Variants in NEMP1 observed in about 807,000 individuals in gnomAD.
NEMP1 encodes the protein transmembrane protein 194.
A neutral mutation model predicts 53.7 loss-of-function variants in NEMP1; 29 were observed. The ratio of observed to expected loss-of-function variants is 0.54; its 90% CI spans 0.40 to 0.74. NEMP1 has a LOEUF of 0.74. NEMP1 is among the 30% of genes least tolerant of loss of function. The pLI is 0.00. For missense variants in NEMP1, 477 were observed against 528.6 expected (o/e 0.90, Z 0.96); for synonymous variants, 193 against 192.9 (o/e 1.00, Z 0.00).
Position 57,078,673 on chromosome 12 carries a change from C to A in NEMP1, c.73G>T (p.Gly25Cys), listed in dbSNP as rs375519830. The change falls in exon 1 of 9, where the codon GGT becomes TGT. Residue 25 changes from glycine to cysteine, a missense_variant. Transcript: ENST00000300128. ...ATCAAGAGTAGCCGCACTGTCCCAC[C>A]GCCCCCGACTCCCGAGCCCCAGGGC... is the stretch of plus-strand genomic sequence containing the variant. ...PGPWGSGVGG[G>C]GTVRLLLILS... 6.2e-7 allele frequency: 1 copy of A among 1,613,470 alleles called. No individual in the cohort carries two copies. The highest frequency in any genetic ancestry group is 1.7e-5 in the Admixed American group (1 of 59,950).
upstream of NEMP1, among the ~76,000 whole-genome samples, chr12:57,088,381 G>A (rs915147461): frequency 6.6e-6 from 1 of 152,188 alleles, no homozygotes. Context: ...GAGGAGGGGC[G>A]CGGGGATATC....
At chr12:57,074,863 G>A (rs567185455) in intron 1 of NEMP1, among the ~76,000 whole-genome samples, 36 of 152,146 alleles carry the variant, frequency 2.4e-4, no homozygotes, top group African/African-American at 8.2e-4. Flanking sequence ...CAAGGCAGAC[G>A]GATCACTTGA....
intron 1 of NEMP1, among the ~76,000 whole-genome samples, chr12:57,087,063 C>T (rs150538757): frequency 1.2e-3 from 178 of 152,288 alleles, no homozygotes; most frequent in Non-Finnish European, 2.2e-3. Context: ...AGTGGGCAGG[C>T]CCCTTCTGCG....
chr12:57,083,313 T>C (rs2032902168), upstream of NEMP1, among the ~76,000 whole-genome samples: 1 of 152,214 alleles, frequency 6.6e-6, no homozygotes. Context: ...GTGCTGTCAT[T>C]TCAAGATAGT....
intron 7 of NEMP1, 113 bp downstream of exon 7, chr12:57,063,006 C>A: frequency 2.6e-6 from 2 of 778,042 alleles, no homozygotes; most frequent in Non-Finnish European, 2.1e-6. Flanking sequence ...AAGTACAATA[C>A]AATGACTTTT....
Position 57,059,399 on chromosome 12 carries a change from C to T in NEMP1, c.*480G>A, listed in dbSNP as rs921799205. ...TATTTTCCTCCCAAAACAGTTAAAT[C>T]AATAATTATTCTAAAGTCACTGAAA... On this transcript the variant is annotated 3_prime_UTR_variant, in exon 9 of 9. Transcript: ENST00000300128. 1 of 152,416 alleles carries T rather than the reference C, an allele frequency of 6.6e-6. No individual in the cohort carries two copies. The highest frequency in any genetic ancestry group is 1.5e-5 in the Non-Finnish European group (1 of 68,224). The allele number at this position is 152,416 out of a possible 1,614,324, so 9.4% of individuals were successfully genotyped here. A position where few individuals can be genotyped will look rare whatever the true frequency, so the allele number is the denominator to read the frequency against.
chr12:57,073,815 CCTAT>C (rs557806346), intron 1 of NEMP1, among the ~76,000 whole-genome samples: 62 of 152,062 alleles, frequency 4.1e-4, no homozygotes, highest in Non-Finnish European at 7.6e-4. Context: ...TAGTAAATAG[CCTAT>C]CTGAGATTCA....
intron 1 of NEMP1, among the ~76,000 whole-genome samples, chr12:57,087,681 C>G (rs2033053009): frequency 5.3e-5 from 8 of 152,084 alleles, no homozygotes. Context: ...GGAAAGGTCT[C>G]CTCGCTAGGC....
chr12:57,063,196 A>G lies in NEMP1; in HGVS notation c.903T>C (p.Ile301=), dbSNP rs1406330690. ...GAGCAATGATGATAATGGCAAGGGC[A>G]ATATGTGGTATCTGGATGCCAGAAT... ...FMYSGIQIPH[I]ALAIIIIALC... Residue 301 remains isoleucine, a synonymous_variant, in exon 7 of 9, where the codon ATT becomes ATC. Transcript: ENST00000300128. 16 of 1,614,118 alleles carry G rather than the reference A, an allele frequency of 9.9e-6. No homozygotes were observed. The highest frequency in any genetic ancestry group is 5.3e-5 in the African/African-American group (4 of 74,942).
chr12:57,086,283 G>A (rs753333830), intron 1 of NEMP1, among the ~76,000 whole-genome samples: 2 of 152,124 alleles, frequency 1.3e-5, no homozygotes, highest in Non-Finnish European at 2.9e-5. Context: ...GGAAAACTAG[G>A]ACTGAGGATA....
rs2031902554 is a variant in NEMP1, at chr12:57,063,180, T to C, written c.919A>G (p.Ile307Val). 6.2e-7 allele frequency: 1 copy of C among 1,614,160 alleles called. No homozygotes were observed. The highest frequency in any genetic ancestry group is 8.5e-7 in the Non-Finnish European group (1 of 1,180,026). ...AGGTTCTTAGTACAAAGAGCAATGA[T>C]GATAATGGCAAGGGCAATATGTGGT... is the stretch of plus-strand genomic sequence containing the variant. ...QIPHIALAIIIIALCTKNLEH... is the reference protein window; with the variant it reads ...QIPHIALAIIVIALCTKNLEH... The change falls in exon 7 of 9, where the codon ATC becomes GTC. Residue 307 changes from isoleucine to valine, a missense_variant. By Grantham distance (29) the Ile-to-Val change is conservative. Transcript: ENST00000300128.
In NEMP1 at chr12:57,056,590, CTT is replaced by C. The variant is rs2031534819; in HGVS notation, c.*3287_*3288del. ...ATTTAATTTCCTTTCCTCCTCCTTCCTTTCACTACTCAATTCAAAGAAAAGTT... is the reference window on the plus strand; with the variant it reads ...ATTTAATTTCCTTTCCTCCTCCTTCCTCACTACTCAATTCAAAGAAAAGTT... On this transcript the variant is annotated 3_prime_UTR_variant, in exon 9 of 9. Transcript: ENST00000300128. 6.6e-6 allele frequency: 1 copy of C among 152,142 alleles called. No homozygotes were observed. The highest frequency in any genetic ancestry group is 1.5e-5 in the Non-Finnish European group (1 of 68,042). 9.4% of individuals were successfully genotyped at this position (152,142 alleles called of 1,614,324 possible).
upstream of NEMP1, among the ~76,000 whole-genome samples, chr12:57,079,686 TAC>T (rs1565667579): frequency 6.6e-6 from 1 of 152,164 alleles, no homozygotes; most frequent in Non-Finnish European, 1.5e-5. Flanking sequence ...GTAGGAAAAC[TAC>T]AGATGATAGA....
At position 57,056,012 on chromosome 12, in the gene NEMP1, T is replaced by C. The variant is rs1055397184; in HGVS notation, c.*3867A>G. 6.6e-6 allele frequency: 1 copy of C among 152,230 alleles called. No homozygotes were observed. Among genetic ancestry groups the C allele is most frequent in the Non-Finnish European group, 1.5e-5 (1 of 68,044 alleles). The allele number at this position is 152,230 out of a possible 1,614,324, so 9.4% of individuals were successfully genotyped here. A position where few individuals can be genotyped will look rare whatever the true frequency, so the allele number is the denominator to read the frequency against. On this transcript the variant is annotated 3_prime_UTR_variant, in exon 9 of 9. Transcript: ENST00000300128. ...GAATGTGCTCATGCTATAGGCAAAT[T>C]CAGAGGTGATTTCACCATTTTCAAA...
intron 7 of NEMP1, among the ~76,000 whole-genome samples, chr12:57,061,734 C>T (rs2031819782): frequency 6.7e-6 from 1 of 148,684 alleles, no homozygotes; most frequent in Non-Finnish European, 1.5e-5. Flanking sequence ...GGCAAGGTGG[C>T]TCACACCTGT....
At position 57,059,642 on chromosome 12, in the gene NEMP1, C is replaced by A; in HGVS notation, c.*237G>T. On this transcript the variant is annotated 3_prime_UTR_variant, in exon 9 of 9. Coordinates refer to ENST00000300128, the MANE Select transcript of NEMP1 (RefSeq NM_001130963.2). ...TGGAAACATAAAAGTGGGCTGTTAG[C>A]TTAACCAATGGGAAGTGAACTACCC... 2.6e-6 allele frequency: 1 copy of A among 381,160 alleles called. No individual in the cohort carries two copies. Among genetic ancestry groups the A allele is most frequent in the Non-Finnish European group, 4.7e-6 (1 of 211,396 alleles). The allele number at this position is 381,160 out of a possible 1,614,324, so 23.6% of individuals were successfully genotyped here. A position where few individuals can be genotyped will look rare whatever the true frequency, so the allele number is the denominator to read the frequency against.
chr12:57,061,326 T>G (rs1018567352), intron 7 of NEMP1, among the ~76,000 whole-genome samples: 2 of 152,242 alleles, frequency 1.3e-5, no homozygotes, highest in African/African-American at 4.8e-5. Flanking sequence ...CAAACTCACT[T>G]TATTTTCCAA....
At chr12:57,073,539 G>A (rs2032456628) in intron 1 of NEMP1, among the ~76,000 whole-genome samples, 1 of 152,096 alleles carries the variant, frequency 6.6e-6, no homozygotes, top group South Asian at 2.1e-4. Flanking sequence ...AGCTACTCGA[G>A]AGGCTGAGGC....
At chr12:57,087,141 CA>C (rs914705697) in intron 1 of NEMP1, among the ~76,000 whole-genome samples, 7 of 152,224 alleles carry the variant, frequency 4.6e-5, no homozygotes, top group Admixed American at 4.6e-4. Context: ...GCGGAGAGCT[CA>C]AAATCGGCTC....
Sources: gnomAD v4.1 joint callset for allele counts (sites outside exome capture counted in the v4.1 genomes callset) on GRCh38, gnomAD v4.1.1 for gene constraint, MANE v1.5 for transcripts, NCBI Gene and HGNC (gene_info 2026-07-23, HGNC 2026-07-21) for gene names.